Variants in RNF138 observed in about 807,000 individuals in gnomAD.
The protein encoded by RNF138 is ring finger protein 138.
Under a neutral mutation model 31.0 loss-of-function variants are expected in RNF138, and 12 were observed. That is an observed-to-expected ratio of 0.39 (90% CI 0.25 to 0.63). RNF138 has a LOEUF of 0.63. Ranked by LOEUF, RNF138 falls within the 20% of genes least tolerant of loss-of-function variation. RNF138 has a pLI of 0.52. For synonymous variants in RNF138, 105 were observed against 99.5 expected (o/e 1.06, Z -0.33); for missense variants, 192 against 300.1 (o/e 0.64, Z 2.66).
chr18:32,116,750 T>C (rs1258191581), intron 4 of RNF138, among the ~76,000 whole-genome samples: 1 of 151,816 alleles, frequency 6.6e-6, no homozygotes, highest in Non-Finnish European at 1.5e-5. Context: ...GGGGGTGGTT[T>C]TTGGTGTTAA....
chr18:32,096,672 ATTG>A (rs748391443), intron 2 of RNF138, among the ~76,000 whole-genome samples: 1 of 152,206 alleles, frequency 6.6e-6, no homozygotes, highest in African/African-American at 2.4e-5. Context: ...TCTGCAAATG[ATTG>A]TTAAGGAAGC....
intron 4 of RNF138, among the ~76,000 whole-genome samples, chr18:32,120,035 T>TC (rs2040278534): frequency 6.6e-6 from 1 of 152,206 alleles, no homozygotes; most frequent in Admixed American, 6.5e-5. Context: ...TCTGCTTCTT[T>TC]TAAACCTAAT....
chr18:32,107,858 G>A (rs567044906), intron 2 of RNF138, among the ~76,000 whole-genome samples: 1 of 151,452 alleles, frequency 6.6e-6, no homozygotes, highest in Admixed American at 6.6e-5. Flanking sequence ...AACTACCCTT[G>A]TTTAAAGGGT....
chr18:32,093,014 G>A (rs1001584716), intron 2 of RNF138, 128 bp downstream of exon 2: 128 of 495,152 alleles, frequency 2.6e-4, no homozygotes, highest in South Asian at 2.1e-3. Context: ...TCGCTGCCCC[G>A]CGAGGTCCCG....
intron 2 of RNF138, among the ~76,000 whole-genome samples, chr18:32,106,135 GTTTA>G (rs1180620384): frequency 6.6e-6 from 1 of 152,132 alleles, no homozygotes; most frequent in Non-Finnish European, 1.5e-5. Context: ...AGGGTGAAGT[GTTTA>G]TTAGGAACTT....
rs2040442392 is a variant in RNF138, at chr18:32,129,693, T to C, written c.*506T>C. The C allele has an allele frequency of 6.6e-6, 1 of 152,566 alleles. No individual in the cohort carries two copies. Among genetic ancestry groups the C allele is most frequent in the African/African-American group, 2.4e-5 (1 of 41,440 alleles). The allele number at this position is 152,566 out of a possible 1,614,324, so 9.5% of individuals were successfully genotyped here. A position where few individuals can be genotyped will look rare whatever the true frequency, so the allele number is the denominator to read the frequency against. The stretch of plus-strand genomic sequence containing the variant: ...TTAAATGCAGGTTCTAGCTGAAAAA[T>C]TCAACTATAAGAAAATTGTATTTAT... On this transcript the variant is annotated 3_prime_UTR_variant, in exon 8 of 8. Transcript: ENST00000261593.
Position 32,131,102 on chromosome 18 carries a change from CCA to C in RNF138, c.*1916_*1917del, listed in dbSNP as rs2040470076. ...AATACATCCAATATGTCAAGTTAAA[CCA>C]TTCTGGGATTTGGGAACTTCTTTAA... is the stretch of plus-strand genomic sequence containing the variant. On this transcript the variant is annotated 3_prime_UTR_variant, in exon 8 of 8. Transcript: ENST00000261593. The C allele has an allele frequency of 1.3e-5, 2 of 151,842 alleles. No homozygotes were observed. Among genetic ancestry groups the C allele is most frequent in the Admixed American group, 6.6e-5 (1 of 15,146 alleles). 9.4% of individuals were successfully genotyped at this position (151,842 alleles called of 1,614,324 possible). A position where few individuals can be genotyped will look rare whatever the true frequency, so the allele number is the denominator to read the frequency against.
At chr18:32,118,687 G>A (rs2144265410) in intron 4 of RNF138, among the ~76,000 whole-genome samples, 1 of 151,884 alleles carries the variant, frequency 6.6e-6, no homozygotes, top group Admixed American at 6.6e-5. Flanking sequence ...AAATTAGCTG[G>A]GCGTGGTGGT....
At chr18:32,105,323 T>A (rs943655182) in intron 2 of RNF138, among the ~76,000 whole-genome samples, 2 of 152,164 alleles carry the variant, frequency 1.3e-5, no homozygotes, top group African/African-American at 4.8e-5. Context: ...ACTCCTGACC[T>A]CAATTGATCC....
At chr18:32,114,402 T>C (rs2040182139) in intron 4 of RNF138, among the ~76,000 whole-genome samples, 2 of 152,316 alleles carry the variant, frequency 1.3e-5, no homozygotes, top group South Asian at 4.1e-4. Flanking sequence ...TTTTATGAAA[T>C]GTATTTTACA....
chr18:32,117,277 C>T (rs1423205610), intron 4 of RNF138, among the ~76,000 whole-genome samples: 1 of 151,830 alleles, frequency 6.6e-6, no homozygotes, highest in African/African-American at 2.4e-5. Flanking sequence ...AAACAGTGGG[C>T]TCTAATTATG....
In RNF138 at chr18:32,092,675, C is replaced by T. The variant is rs188353136; in HGVS notation, c.-77-25C>T. ...CGCGCGCTGTATCCTGATGCGATCC[C>T]CCTCCCCCCTCCGGGTTCATGTAGG... On this transcript the variant is annotated intron_variant, in intron 1 of 7. Coordinates refer to ENST00000261593, the MANE Select transcript of RNF138 (RefSeq NM_016271.5). 6.4e-5 allele frequency: 46 copies of T among 716,190 alleles called. 1 individual carries two copies. The highest frequency in any genetic ancestry group is 1.7e-5 in the African/African-American group (1 of 57,178). The allele number at this position is 716,190 out of a possible 1,614,324, so 44.4% of individuals were successfully genotyped here.
chr18:32,092,709 C>T lies in RNF138; in HGVS notation c.-68C>T, dbSNP rs1206869283. 7.3e-6 allele frequency: 7 copies of T among 959,328 alleles called. No homozygotes were observed. Among genetic ancestry groups the T allele is most frequent in the Non-Finnish European group, 1.1e-5 (7 of 622,216 alleles). 59.4% of individuals were successfully genotyped at this position (959,328 alleles called of 1,614,324 possible). On this transcript the variant is annotated 5_prime_UTR_variant, in exon 2 of 8. Transcript: ENST00000261593. Reference sequence around the variant, plus strand: ...CTCCGGGTTCATGTAGGGAGTCGGGCCCCGGGCCGCCACCGTCACCTCGGC... The same window carrying T: ...CTCCGGGTTCATGTAGGGAGTCGGGTCCCGGGCCGCCACCGTCACCTCGGC...
intron 7 of RNF138, 145 bp downstream of exon 7, chr18:32,126,945 G>T: frequency 1.8e-6 from 1 of 555,370 alleles, no homozygotes; most frequent in South Asian, 2.7e-5. Flanking sequence ...TAATAATACT[G>T]GTGAACTTTA....
intron 6 of RNF138, 87 bp from the exon 7 acceptor site, chr18:32,126,606 A>AT: frequency 1.3e-6 from 1 of 790,602 alleles, no homozygotes; most frequent in Non-Finnish European, 2.0e-6. Context: ...TTTTGGTAAC[A>AT]TATCCCTGTG....
chr18:32,111,698 TAG>T, intron 2 of RNF138, 54 bp from the exon 3 acceptor site: 1 of 1,332,496 alleles, frequency 7.5e-7, no homozygotes, highest in Non-Finnish European at 1.0e-6. Context: ...TATTTAATTA[TAG>T]AGATGAAGAG....
At chr18:32,123,829 T>C (rs1215406261) in intron 5 of RNF138, 1 of 229,292 alleles carries the variant, frequency 4.4e-6, no homozygotes, top group Non-Finnish European at 8.4e-6. Flanking sequence ...ATTTTTGTAT[T>C]TTTAGTAGAA....
chr18:32,124,589 A>C lies in RNF138; in HGVS notation c.450-145A>C, dbSNP rs1176417802. ...CTCTGTAATGCATCATTTCCTGAATACATATGTTCAAAATGAGAGAATCTT... is the reference window on the plus strand; with the variant it reads ...CTCTGTAATGCATCATTTCCTGAATCCATATGTTCAAAATGAGAGAATCTT... On this transcript the variant is annotated intron_variant, in intron 5 of 7. Coordinates refer to ENST00000261593, the MANE Select transcript of RNF138 (RefSeq NM_016271.5). The C allele has an allele frequency of 5.0e-6, 3 of 594,780 alleles. No homozygotes were observed. The East Asian group carries it at 8.4e-5, about 17-fold the overall frequency. The allele number at this position is 594,780 out of a possible 1,614,324, so 36.8% of individuals were successfully genotyped here.
intron 2 of RNF138, among the ~76,000 whole-genome samples, chr18:32,095,178 G>GC (rs2039782409): frequency 1.2e-5 from 1 of 83,910 alleles, no homozygotes; most frequent in African/African-American, 4.3e-5. Flanking sequence ...AAAAATTATC[G>GC]TTTTTTTTTG....
Sources: gnomAD v4.1 joint callset for allele counts (sites outside exome capture counted in the v4.1 genomes callset) on GRCh38, gnomAD v4.1.1 for gene constraint, MANE v1.5 for transcripts, NCBI Gene and HGNC (gene_info 2026-07-23, HGNC 2026-07-21) for gene names.